RALGPS2: variants seen among roughly 807,000 people sequenced by gnomAD.
RALGPS2 encodes the protein ras-specific guanine nucleotide-releasing factor RalGPS2.
In RALGPS2, 43 loss-of-function variants were observed where a neutral mutation model predicts 86.8. That is an observed-to-expected ratio of 0.50 (90% confidence interval 0.39 to 0.64). The LOEUF (loss-of-function observed/expected upper bound fraction) is 0.64, where lower values mean the gene tolerates loss of function less well. Among genes scored for constraint, RALGPS2 ranks in the 30% least tolerant of loss-of-function variants. The probability of loss-of-function intolerance (pLI) is 0.00; values close to 1 mark genes in which losing one functional copy is unlikely to be tolerated. For synonymous variants in RALGPS2, 243 were observed against 231.3 expected (o/e 1.05, Z -0.46); for missense variants, 536 against 694.6 (o/e 0.77, Z 2.57).
chr1:178,840,404 G>A (rs1656534995), intron 8 of RALGPS2, among the ~76,000 whole-genome samples: 1 of 152,140 alleles, frequency 6.6e-6, no homozygotes, highest in Non-Finnish European at 1.5e-5. Context: ...AATGACTACT[G>A]GGTACATAAC....
At chr1:178,851,379 A>G in intron 8 of RALGPS2, 1 of 1,405,098 alleles carries the variant, frequency 7.1e-7, no homozygotes, top group Non-Finnish European at 9.4e-7. Flanking sequence ...CTCTGCAATC[A>G]TAAAAAACTT....
Position 178,784,516 on chromosome 1 carries a change from A to G in RALGPS2, c.156A>G (p.Glu52=). ...VFDVLKVTPE[E]YAGQITLMDV... is the part of the protein sequence containing the mutation. ...ATGTTCTTAAGGTTACACCAGAAGA[A>G]TATGCGGTAAGCCTCCTACCTCTGT... The change falls in exon 3 of 20, where the codon GAA becomes GAG. Residue 52 remains glutamate, a synonymous_variant. Coordinates refer to ENST00000367635, the MANE Select transcript of RALGPS2 (RefSeq NM_152663.5). 2 of 1,589,452 alleles carry G rather than the reference A, an allele frequency of 1.3e-6. No individual in the cohort carries two copies. Among genetic ancestry groups the G allele is most frequent in the Non-Finnish European group, 8.6e-7 (1 of 1,163,852 alleles).
At chr1:178,851,163 C>G in intron 8 of RALGPS2, 1 of 1,613,868 alleles carries the variant, frequency 6.2e-7, no homozygotes, top group Non-Finnish European at 8.5e-7. Context: ...CTGAACTGCT[C>G]TTAAGGAGTA....
rs565451700 is a variant in RALGPS2, at chr1:178,745,544, A to G, written c.-84+20125A>G. Among the ~76,000 whole-genome samples the G allele has an allele frequency of 2.0e-5, 3 of 152,366 alleles. No individual in the cohort carries two copies. In the East Asian group the frequency reaches 5.8e-4, roughly 29 times the overall value. ...CAGAGAAAGGATAGTCTATTCAACA[A>G]ATAATGCTGGCACAAAATGGATATC... On this transcript the variant is annotated intron_variant, in intron 1 of 19. Transcript: ENST00000367635.
At chr1:178,811,247 T>A (rs1169383029) in intron 5 of RALGPS2, 68 bp from the exon 6 acceptor site, 14 of 1,301,828 alleles carry the variant, frequency 1.1e-5, no homozygotes, top group Admixed American at 2.6e-5. Context: ...CAAAATTTTT[T>A]AAAATACAGC....
At chr1:178,879,067 A>G (rs1659117826) in intron 10 of RALGPS2, 75 bp downstream of exon 10, 1 of 1,543,992 alleles carries the variant, frequency 6.5e-7, no homozygotes, top group Non-Finnish European at 8.7e-7. Context: ...GTATTTAAAC[A>G]TCTAAATCCT....
At chr1:178,880,395 C>T (rs1212680469) in intron 10 of RALGPS2, among the ~76,000 whole-genome samples, 1 of 152,100 alleles carries the variant, frequency 6.6e-6, no homozygotes, top group Non-Finnish European at 1.5e-5. Flanking sequence ...TCTCTCACAC[C>T]ATAATAGCAA....
intron 14 of RALGPS2, 139 bp from the exon 15 acceptor site, chr1:178,892,091 G>A (rs759968274): frequency 1.2e-6 from 1 of 815,884 alleles, no homozygotes; most frequent in African/African-American, 1.8e-5. Context: ...AAAGAAAGAG[G>A]AACAATCACA....
At chr1:178,879,993 T>C (rs1659172695) in intron 10 of RALGPS2, among the ~76,000 whole-genome samples, 1 of 152,084 alleles carries the variant, frequency 6.6e-6, no homozygotes, top group Admixed American at 6.5e-5. Flanking sequence ...TTATTTCTCT[T>C]GAAGCTTCAC....
intron 6 of RALGPS2, among the ~76,000 whole-genome samples, chr1:178,812,928 C>CTTTTTTTT (rs397844555): frequency 6.6e-5 from 7 of 106,834 alleles, no homozygotes; most frequent in African/African-American, 2.2e-4. Context: ...TAGGTAAATA[C>CTTTTTTTT]TTTTTTTTTT....
chr1:178,764,228 T>G (rs1652389525), intron 1 of RALGPS2, among the ~76,000 whole-genome samples: 1 of 152,184 alleles, frequency 6.6e-6, no homozygotes, highest in South Asian at 2.1e-4. Flanking sequence ...GCCCTTTATT[T>G]ATTTATTTAT....
intron 8 of RALGPS2, among the ~76,000 whole-genome samples, chr1:178,856,196 GAGAGAGATAT>G (rs1411416665): frequency 4.9e-5 from 2 of 41,054 alleles, no homozygotes; most frequent in African/African-American, 2.1e-4. Context: ...TTTCCAGAGA[GAGAGAGATAT>G]ATATATATAT....
chr1:178,762,130 G>A (rs1026648419), intron 1 of RALGPS2, among the ~76,000 whole-genome samples: 1 of 152,070 alleles, frequency 6.6e-6, no homozygotes, highest in Non-Finnish European at 1.5e-5. Context: ...CTGTTCCTGT[G>A]TTCGCTTAGG....
intron 9 of RALGPS2, 83 bp from the exon 10 acceptor site, chr1:178,878,819 C>T: frequency 6.5e-7 from 1 of 1,541,660 alleles, no homozygotes; most frequent in Non-Finnish European, 8.7e-7. Context: ...CCTTAATTTA[C>T]CTTTAAGTTA....
At chr1:178,858,208 C>G (rs1657724374) in intron 8 of RALGPS2, among the ~76,000 whole-genome samples, 1 of 151,960 alleles carries the variant, frequency 6.6e-6, no homozygotes, top group South Asian at 2.1e-4. Flanking sequence ...TACCATTAAC[C>G]TGTCTTAGTC....
intron 7 of RALGPS2, among the ~76,000 whole-genome samples, chr1:178,822,235 TATATG>T (rs1322571798): frequency 3.9e-5 from 6 of 152,162 alleles, no homozygotes; most frequent in Non-Finnish European, 8.8e-5. Context: ...TTCTATTACT[TATATG>T]AGATCAGAGT....
At chr1:178,812,025 C>G (rs1655009065) in intron 6 of RALGPS2, among the ~76,000 whole-genome samples, 5 of 152,062 alleles carry the variant, frequency 3.3e-5, no homozygotes, top group Admixed American at 3.3e-4. Flanking sequence ...TGAGCCCTTC[C>G]CTCTCCATCA....
chr1:178,880,193 A>G (rs1158716859), intron 10 of RALGPS2, among the ~76,000 whole-genome samples: 1 of 152,190 alleles, frequency 6.6e-6, no homozygotes, highest in African/African-American at 2.4e-5. Flanking sequence ...TTACATAGAA[A>G]TATTTTTTAT....
intron 19 of RALGPS2, among the ~76,000 whole-genome samples, chr1:178,915,821 C>T (rs1031237032): frequency 6.6e-6 from 1 of 152,274 alleles, no homozygotes; most frequent in East Asian, 1.9e-4. Context: ...CATAGTGAAA[C>T]TCTAATAAGG....
Sources: allele counts gnomAD v4.1 joint callset (sites outside exome capture counted in the v4.1 genomes callset), GRCh38; gene constraint gnomAD v4.1.1; transcripts MANE v1.5; gene names NCBI Gene and HGNC (gene_info 2026-07-23, HGNC 2026-07-21).